Variants in WWOX observed in about 807,000 individuals in gnomAD.
The protein encoded by WWOX is WW domain-containing oxidoreductase.
A neutral mutation model predicts 46.2 loss-of-function variants in WWOX; 69 were observed. That is an observed-to-expected ratio of 1.49 (90% CI 1.23 to 1.82). The LOEUF (loss-of-function observed/expected upper bound fraction) is 1.82. Ranked by LOEUF, WWOX falls within the 40% of genes most tolerant of loss-of-function variation. The pLI is 0.00. For synonymous variants in WWOX, 359 were observed against 202.6 expected (o/e 1.77, Z -6.56); for missense variants, 919 against 542.6 (o/e 1.69, Z -6.89).
intron 8 of WWOX, among the ~76,000 whole-genome samples, chr16:78,438,226 G>C (rs2083375055): frequency 3.3e-5 from 5 of 152,106 alleles, no homozygotes; most frequent in Non-Finnish European, 5.9e-5. Flanking sequence ...TACAATCTTA[G>C]AATTATTATC....
chr16:78,860,833 G>C (rs1215690643), intron 8 of WWOX, among the ~76,000 whole-genome samples: 1 of 152,088 alleles, frequency 6.6e-6, no homozygotes, highest in Non-Finnish European at 1.5e-5. Flanking sequence ...TCTCTCCCAG[G>C]TGTTTGTTTT....
intron 8 of WWOX, among the ~76,000 whole-genome samples, chr16:78,942,037 C>G (rs112085079): frequency 0.029 from 4,486 of 152,166 alleles, 229 homozygotes; most frequent in African/African-American, 0.1. Flanking sequence ...CACTCTCTAC[C>G]TCGCCTGGTC....
chr16:78,481,724 A>AGTGT (rs67780639), intron 8 of WWOX, among the ~76,000 whole-genome samples: 37,933 of 136,744 alleles, frequency 0.28, 5,851 homozygotes, highest in Non-Finnish European at 0.35. Context: ...GGGCAAGGGA[A>AGTGT]GTGTGTGTGT....
At chr16:78,686,879 G>C (rs1279999708) in intron 8 of WWOX, among the ~76,000 whole-genome samples, 1 of 152,144 alleles carries the variant, frequency 6.6e-6, no homozygotes, top group Non-Finnish European at 1.5e-5. Context: ...CTTTTCAAAA[G>C]GCATTTTTCT....
intron 8 of WWOX, among the ~76,000 whole-genome samples, chr16:78,537,051 G>T (rs768169432): frequency 4.0e-5 from 6 of 151,830 alleles, no homozygotes; most frequent in Non-Finnish European, 7.4e-5. Context: ...TGAGAAGCTG[G>T]GACTACAGGC....
chr16:78,504,195 A>G (rs988733338), intron 8 of WWOX, among the ~76,000 whole-genome samples: 1 of 152,234 alleles, frequency 6.6e-6, no homozygotes, highest in Non-Finnish European at 1.5e-5. Flanking sequence ...ATAGAAATGC[A>G]TCTGTGGAAA....
chr16:78,673,362 C>T (rs1469279902), intron 8 of WWOX, among the ~76,000 whole-genome samples: 1 of 152,136 alleles, frequency 6.6e-6, no homozygotes, highest in East Asian at 1.9e-4. Context: ...AAACTCTTCG[C>T]CTCTCTAACA....
At chr16:78,545,210 G>C (rs1448741808) in intron 8 of WWOX, among the ~76,000 whole-genome samples, 1 of 152,078 alleles carries the variant, frequency 6.6e-6, no homozygotes, top group Non-Finnish European at 1.5e-5. Context: ...TGACTGCAAG[G>C]GTCAAAACTT....
In WWOX at chr16:78,262,438, T is replaced by C. The variant is rs2079265684; in HGVS notation, c.516+98149T>C. Among the ~76,000 whole-genome samples the C allele has an allele frequency of 2.0e-5, 3 of 152,152 alleles. No individual in the cohort carries two copies. The South Asian group carries it at 6.2e-4, about 32-fold the overall frequency. ...AGCAATCTCTTTATTAATTTATTTATTCAGTAAATTTTATTCAGAACCAGC... is the reference window on the plus strand; with the variant it reads ...AGCAATCTCTTTATTAATTTATTTACTCAGTAAATTTTATTCAGAACCAGC... On this transcript the variant is annotated intron_variant, in intron 5 of 8. Coordinates refer to ENST00000566780, the MANE Select transcript of WWOX (RefSeq NM_016373.4).
intron 1 of WWOX, 172 bp downstream of exon 1, chr16:78,100,057 C>G (rs1478075750): frequency 7.1e-7 from 1 of 1,405,302 alleles, no homozygotes. Flanking sequence ...GGGCCGGCCC[C>G]CTTGGTGGGC....
chr16:78,116,507 T>C lies in WWOX; in HGVS notation c.409+1353T>C, dbSNP rs578062522. Among the ~76,000 whole-genome samples, 3 of 152,338 alleles carry C rather than the reference T, an allele frequency of 2.0e-5. No individual in the cohort carries two copies. In the South Asian group the frequency reaches 6.2e-4, roughly 32 times the overall value. On this transcript the variant is annotated intron_variant, in intron 4 of 8. Transcript: ENST00000566780. ...TTTTTTTTAAGAATTGAAAGGATTT[T>C]ATTTCAAATCAACTCTCATACCTCA...
At chr16:78,485,232 G>A (rs1242407560) in intron 8 of WWOX, among the ~76,000 whole-genome samples, 1 of 152,028 alleles carries the variant, frequency 6.6e-6, no homozygotes, top group African/African-American at 2.4e-5. Flanking sequence ...TATACTCCCT[G>A]TCCTCACACA....
At chr16:78,657,805 CA>C (rs2047115574) in intron 8 of WWOX, among the ~76,000 whole-genome samples, 1 of 152,102 alleles carries the variant, frequency 6.6e-6, no homozygotes, top group Non-Finnish European at 1.5e-5. Context: ...TTTATTAAAA[CA>C]GGTTTTGTTT....
intron 8 of WWOX, among the ~76,000 whole-genome samples, chr16:78,635,044 C>T (rs1260498859): frequency 2.0e-5 from 3 of 152,134 alleles, no homozygotes; most frequent in Non-Finnish European, 4.4e-5. Context: ...GACGGCTTCC[C>T]TGCGGGACAT....
At chr16:78,419,285 C>T (rs1230537475) in intron 6 of WWOX, among the ~76,000 whole-genome samples, 25 of 152,016 alleles carry the variant, frequency 1.6e-4, no homozygotes, top group Admixed American at 1.6e-3. Context: ...AATTGAAAAG[C>T]TGATCCTACA....
In WWOX at chr16:79,212,347, A is replaced by G. The variant is rs542638464; in HGVS notation, c.*551A>G. 4 of 634,808 alleles carry G rather than the reference A, an allele frequency of 6.3e-6. No individual in the cohort carries two copies. Among genetic ancestry groups the G allele is most frequent in the East Asian group, 2.9e-5 (1 of 35,074 alleles). 39.3% of individuals were successfully genotyped at this position (634,808 alleles called of 1,614,324 possible). A position where few individuals can be genotyped will look rare whatever the true frequency, so the allele number is the denominator to read the frequency against. ...CCTTGTCCCAGCCAGTGAGGATGAC[A>G]GTGACACCCAGAGGGAGTAGAATAC... On this transcript the variant is annotated 3_prime_UTR_variant, in exon 9 of 9. Transcript: ENST00000566780.
At chr16:78,963,061 T>A (rs1273900234) in intron 8 of WWOX, among the ~76,000 whole-genome samples, 4 of 152,218 alleles carry the variant, frequency 2.6e-5, no homozygotes, top group Non-Finnish European at 5.9e-5. Context: ...AATTGTACTG[T>A]AAGTACTCTG....
chr16:78,524,710 C>T (rs556265382), intron 8 of WWOX, among the ~76,000 whole-genome samples: 7 of 151,846 alleles, frequency 4.6e-5, no homozygotes, highest in East Asian at 3.9e-4. Context: ...TGAGCCACCG[C>T]GCCCAGCCTG....
chr16:78,683,623 A>C (rs771938855), intron 8 of WWOX, among the ~76,000 whole-genome samples: 2 of 152,044 alleles, frequency 1.3e-5, no homozygotes, highest in African/African-American at 2.4e-5. Flanking sequence ...GCTGGTCTTG[A>C]ACTCCTGGGT....
Sources: gnomAD v4.1 joint callset for allele counts (sites outside exome capture counted in the v4.1 genomes callset) on GRCh38, gnomAD v4.1.1 for gene constraint, MANE v1.5 for transcripts, NCBI Gene and HGNC (gene_info 2026-07-23, HGNC 2026-07-21) for gene names.